MPP7: variants seen among roughly 807,000 people sequenced by gnomAD.
MPP7 encodes the protein MAGUK p55 subfamily member 7.
A neutral mutation model predicts 76.5 loss-of-function variants in MPP7; 60 were observed. The ratio of observed to expected loss-of-function variants is 0.78; its 90% CI spans 0.64 to 0.97. The LOEUF (loss-of-function observed/expected upper bound fraction) is 0.97, where lower values mean the gene tolerates loss of function less well. Among genes scored for constraint, MPP7 ranks in the 50% least tolerant of loss-of-function variants. MPP7 has a pLI of 0.00. For missense variants in MPP7, 641 were observed against 694.0 expected, an observed-to-expected ratio of 0.92 and a Z score of 0.86; for synonymous variants, 237 against 244.5, an observed-to-expected ratio of 0.97 and a Z score of 0.29.
chr10:28,099,721 C>A (rs1270913940), intron 11 of MPP7, among the ~76,000 whole-genome samples: 1 of 152,010 alleles, frequency 6.6e-6, no homozygotes, highest in Non-Finnish European at 1.5e-5. Flanking sequence ...GCAGGAGAAT[C>A]ACTTGAACCC....
At chr10:28,231,207 A>AT (rs1399591604) in intron 2 of MPP7, among the ~76,000 whole-genome samples, 1 of 152,036 alleles carries the variant, frequency 6.6e-6, no homozygotes, top group African/African-American at 2.4e-5. Flanking sequence ...TTATGTGAAT[A>AT]TTTTTTTAAT....
At chr10:28,202,319 T>A (rs780562812) in intron 2 of MPP7, 48 bp from the exon 3 acceptor site, 3 of 1,373,826 alleles carry the variant, frequency 2.2e-6, no homozygotes, top group Non-Finnish European at 3.1e-6. Context: ...AGTGATCTCA[T>A]TAATTTCGCC....
chr10:28,196,347 G>T (rs1236588566), intron 3 of MPP7, among the ~76,000 whole-genome samples: 2 of 151,986 alleles, frequency 1.3e-5, no homozygotes, highest in Non-Finnish European at 2.9e-5. Flanking sequence ...GGGCGTGGGG[G>T]CAGGTGCCTG....
At chr10:28,285,431 C>G (rs774384226) in intron 1 of MPP7, among the ~76,000 whole-genome samples, 18 of 152,284 alleles carry the variant, frequency 1.2e-4, no homozygotes, top group Non-Finnish European at 2.5e-4. Context: ...ATGATCCGTC[C>G]ACCTCGGCCT....
At chr10:28,139,267 C>T (rs1213859061) in intron 5 of MPP7, among the ~76,000 whole-genome samples, 2 of 152,136 alleles carry the variant, frequency 1.3e-5, no homozygotes, top group Non-Finnish European at 2.9e-5. Context: ...TGCTAACAGG[C>T]TTCAATTATG....
chr10:28,182,939 G>A (rs1253355822), intron 3 of MPP7, among the ~76,000 whole-genome samples: 7 of 152,258 alleles, frequency 4.6e-5, no homozygotes, highest in Middle Eastern at 6.8e-3. Context: ...TCAGCCGGGC[G>A]TGATGGCGCA....
intron 13 of MPP7, among the ~76,000 whole-genome samples, chr10:28,062,894 G>A (rs201326002): frequency 1.2e-4 from 18 of 152,062 alleles, no homozygotes; most frequent in African/African-American, 3.9e-4. Context: ...GTAAAACTTC[G>A]AGAAGAAAAC....
chr10:28,258,914 AC>A (rs879610433), intron 1 of MPP7, among the ~76,000 whole-genome samples: 5 of 152,118 alleles, frequency 3.3e-5, no homozygotes, highest in Admixed American at 2.0e-4. Context: ...CTGTGAAAAC[AC>A]CAAGTTATTA....
chr10:28,331,855 A>C (rs907959299), intron 1 of MPP7, among the ~76,000 whole-genome samples: 2 of 152,216 alleles, frequency 1.3e-5, no homozygotes, highest in African/African-American at 2.4e-5. Flanking sequence ...AATTACAAGC[A>C]TGAACCATCT....
intron 3 of MPP7, among the ~76,000 whole-genome samples, chr10:28,200,067 C>T (rs759991109): frequency 3.3e-5 from 5 of 152,264 alleles, no homozygotes; most frequent in Non-Finnish European, 4.4e-5. Context: ...ATACAAATTC[C>T]TTCAGCTCTA....
chr10:28,267,861 C>T (rs1474641115), intron 1 of MPP7, among the ~76,000 whole-genome samples: 1 of 151,990 alleles, frequency 6.6e-6, no homozygotes, highest in Non-Finnish European at 1.5e-5. Context: ...CACGGTGAAA[C>T]TCCAACTCTA....
chr10:28,147,748 C>T (rs142873243), intron 4 of MPP7, among the ~76,000 whole-genome samples, 185 bp from the exon 5 acceptor site: 5 of 152,328 alleles, frequency 3.3e-5, no homozygotes, highest in African/African-American at 9.6e-5. Flanking sequence ...AGTCCAGATC[C>T]GAGCCCAGGC....
intron 3 of MPP7, among the ~76,000 whole-genome samples, chr10:28,171,809 T>G (rs974842125): frequency 1.3e-5 from 2 of 152,186 alleles, no homozygotes; most frequent in African/African-American, 2.4e-5. Flanking sequence ...ATAGTCTTTC[T>G]ACACAGCAGA....
In MPP7 at chr10:28,064,952, G is replaced by A. The variant is rs1255781428; in HGVS notation, c.1204+4820C>T. ...ATACCCTACTGAGGGTATATAACAC[G>A]ATTAATATCCAAAAACATGAGATAT... On this transcript the variant is annotated intron_variant, in intron 13 of 16. Coordinates refer to ENST00000683449, the MANE Select transcript of MPP7 (RefSeq NM_001318170.2). Among the ~76,000 whole-genome samples, 10 of 152,198 alleles carry A rather than the reference G, an allele frequency of 6.6e-5. No individual in the cohort carries two copies. The South Asian group carries it at 1.9e-3, about 28-fold the overall frequency.
intron 1 of MPP7, among the ~76,000 whole-genome samples, chr10:28,282,357 A>G (rs1306427318): frequency 6.6e-6 from 1 of 152,050 alleles, no homozygotes; most frequent in Admixed American, 6.5e-5. Flanking sequence ...TTTGTGTACC[A>G]CTTAAAAATG....
intron 2 of MPP7, among the ~76,000 whole-genome samples, chr10:28,327,578 G>GTTTA (rs1370982281): frequency 6.6e-6 from 1 of 152,054 alleles, no homozygotes; most frequent in Non-Finnish European, 1.5e-5. Context: ...CTGAGTTCTA[G>GTTTA]TTTATTTATT....
chr10:28,155,174 T>C (rs533746040), intron 3 of MPP7, among the ~76,000 whole-genome samples: 353 of 152,300 alleles, frequency 2.3e-3, no homozygotes, highest in Non-Finnish European at 3.4e-3. Flanking sequence ...TGTGACTCAG[T>C]TGATTCATGA....
At chr10:28,121,295 A>G (rs1834830516) in intron 8 of MPP7, among the ~76,000 whole-genome samples, 2 of 150,780 alleles carry the variant, frequency 1.3e-5, no homozygotes. Flanking sequence ...AGAATAATGT[A>G]CAAGGTTCAT....
At chr10:28,188,998 T>G (rs1201056483) in intron 3 of MPP7, among the ~76,000 whole-genome samples, 1 of 147,880 alleles carries the variant, frequency 6.8e-6, no homozygotes, top group Admixed American at 6.8e-5. Flanking sequence ...GAAAATCATG[T>G]AGGTCAGACC....
Sources: allele counts gnomAD v4.1 joint callset (sites outside exome capture counted in the v4.1 genomes callset), GRCh38; gene constraint gnomAD v4.1.1; transcripts MANE v1.5; gene names NCBI Gene and HGNC (gene_info 2026-07-23, HGNC 2026-07-21).